The following HK2 variants were observed in gnomAD, a reference collection of about 807,000 sequenced individuals.
The protein encoded by HK2 is hexokinase-2.
In HK2, 42 loss-of-function variants were observed where a neutral mutation model predicts 92.9. The observed-to-expected ratio is 0.45, with a 90% CI of 0.35 to 0.58. HK2 has a LOEUF of 0.58. Among genes scored for constraint, HK2 ranks in the 20% least tolerant of loss-of-function variants. The pLI is 0.00. For missense variants in HK2, 978 were observed against 1,245.1 expected, an observed-to-expected ratio of 0.79 and a Z score of 3.23; for synonymous variants, 422 against 468.0, an observed-to-expected ratio of 0.90 and a Z score of 1.27.
chr2:74,853,549 A>G (rs1688620745), intron 1 of HK2, among the ~76,000 whole-genome samples: 1 of 151,012 alleles, frequency 6.6e-6, no homozygotes, highest in African/African-American at 2.4e-5. Flanking sequence ...CAACAACAAC[A>G]ACAACAACAA....
Position 74,889,428 on chromosome 2 carries a change from T to G in HK2, c.2559T>G (p.Ala853=). Residue 853 remains alanine (A), a synonymous_variant, in exon 17 of 18, where the codon GCT becomes GCG. Transcript: ENST00000290573. ...DRIRENRGLD[A]LKVTVGVDGT... is the part of the protein sequence containing the mutation. ...TACGAGAAAACCGTGGGCTGGACGC[T>G]CTCAAAGTGACAGTGGGTGTGGATG... is the stretch of plus-strand genomic sequence containing the variant. 6.2e-7 allele frequency: 1 copy of G among 1,613,890 alleles called. No individual in the cohort carries two copies. Among genetic ancestry groups the G allele is most frequent in the Non-Finnish European group, 8.5e-7 (1 of 1,179,908 alleles).
At chr2:74,840,038 C>T (rs1688266810) in intron 1 of HK2, among the ~76,000 whole-genome samples, 1 of 148,442 alleles carries the variant, frequency 6.7e-6, no homozygotes, top group South Asian at 2.2e-4. Context: ...TCACTGCAAC[C>T]TCGGCCTCCT....
chr2:74,854,358 C>T lies in HK2; in HGVS notation c.129C>T (p.Phe43=). The part of the protein sequence containing the change: ...DETLLEISKR[F]RKEMEKGLGA... ...CCCTCTTGGAGATCTCTAAGCGGTT[C>T]CGCAAGGAGATGGAGAAAGGGCTTG... The change falls in exon 2 of 18, where the codon TTC becomes TTT. Residue 43 remains phenylalanine, a synonymous_variant. Transcript: ENST00000290573. 1 of 1,613,902 alleles carries T rather than the reference C, an allele frequency of 6.2e-7. No individual in the cohort carries two copies. The highest frequency in any genetic ancestry group is 1.1e-5 in the South Asian group (1 of 91,062).
chr2:74,877,041 G>A, intron 7 of HK2, 125 bp from the exon 8 acceptor site: 1 of 1,298,754 alleles, frequency 7.7e-7, no homozygotes, highest in Non-Finnish European at 1.1e-6. Flanking sequence ...TCTTACTCCT[G>A]GGCCGTGCTG....
At chr2:74,885,414 C>A in intron 12 of HK2, 80 bp from the exon 13 acceptor site, 1 of 945,532 alleles carries the variant, frequency 1.1e-6, no homozygotes, top group Non-Finnish European at 1.7e-6. Flanking sequence ...AGGTTGAGAG[C>A]TAGAAGCACA....
chr2:74,886,559 G>A lies in HK2; in HGVS notation c.2105G>A (p.Arg702Gln), dbSNP rs767300432. ...NVELVEGEEG[R>Q]MCVNMEWGAF... ...GAACTGGTGGAAGGAGAAGAGGGGC[G>A]GATGTGTGTGAACATGGAATGGGGG... Residue 702 changes from arginine (R) to glutamine (Q), a missense_variant, in exon 15 of 18, where the codon CGG becomes CAG. Physicochemically the swap from Arg to Gln is conservative, Grantham distance 43 (BLOSUM62 1). Transcript: ENST00000290573. The A allele has an allele frequency of 1.4e-5, 23 of 1,613,802 alleles. No individual in the cohort carries two copies. The highest frequency in any genetic ancestry group is 3.3e-5 in the Admixed American group (2 of 59,966).
chr2:74,879,192 T>C (rs1689319453), intron 9 of HK2, among the ~76,000 whole-genome samples: 1 of 152,166 alleles, frequency 6.6e-6, no homozygotes, highest in Non-Finnish European at 1.5e-5. Context: ...GCCACCCTCT[T>C]GTATGCGTTA....
chr2:74,879,077 G>A (rs1423932824), intron 9 of HK2, among the ~76,000 whole-genome samples, 156 bp downstream of exon 9: 1 of 152,160 alleles, frequency 6.6e-6, no homozygotes, highest in African/African-American at 2.4e-5. Flanking sequence ...CTGGGCAAGG[G>A]GGAATGGGAG....
intron 7 of HK2, among the ~76,000 whole-genome samples, chr2:74,876,652 A>G (rs897386595): frequency 2.0e-5 from 3 of 152,076 alleles, no homozygotes; most frequent in Admixed American, 1.3e-4. Flanking sequence ...ATGTTGCCCC[A>G]TCATCCCCTG....
Position 74,878,765 on chromosome 2 carries a change from C to T in HK2, c.1109C>T (p.Ala370Val). ...GACCCGACTCAGGAGGACTGCGTGG[C>T]CACTCACCGGATCTGCCAGATCGTG... ...GLDPTQEDCV[A>V]THRICQIVST... Residue 370 changes from alanine to valine, a missense_variant, in exon 9 of 18, where the codon GCC becomes GTC. This residue lies in a region of HK2 where 742 missense variants were observed against 922.5 expected (regional missense o/e 0.80). Transcript: ENST00000290573. 1.9e-6 allele frequency: 3 copies of T among 1,590,298 alleles called. No individual in the cohort carries two copies. Among genetic ancestry groups the T allele is most frequent in the Non-Finnish European group, 2.6e-6 (3 of 1,168,430 alleles).
rs1689312465 is a variant in HK2 at position 74,878,934 on chromosome 2, G to T, written c.1265+13G>T. Reference sequence around the variant, plus strand: ...AGAAACACCCCCAGTGAGTCAGTGTGCAGGGCCTGGAGATGCGGAGTTCCT... The same window carrying T: ...AGAAACACCCCCAGTGAGTCAGTGTTCAGGGCCTGGAGATGCGGAGTTCCT... On this transcript the variant is annotated intron_variant, in intron 9 of 17. Coordinates refer to ENST00000290573, the MANE Select transcript of HK2 (RefSeq NM_000189.5). 6.5e-7 allele frequency: 1 copy of T among 1,544,580 alleles called. No individual in the cohort carries two copies. Among genetic ancestry groups the T allele is most frequent in the Middle Eastern group, 1.7e-4 (1 of 5,974 alleles).
Position 74,860,332 on chromosome 2 carries a change from T to A in HK2, c.226+5877T>A, listed in dbSNP as rs553868053. Among the ~76,000 whole-genome samples the A allele has an allele frequency of 2.6e-4, 39 of 152,196 alleles. 1 individual carries two copies. In the East Asian group the frequency reaches 7.5e-3, roughly 29 times the overall value. On this transcript the variant is annotated intron_variant, in intron 2 of 17. Coordinates refer to ENST00000290573, the MANE Select transcript of HK2 (RefSeq NM_000189.5). The stretch of plus-strand genomic sequence containing the variant: ...AAATTATGTTTGCACCTCATAAATT[T>A]AAACAACTAAAAAAAACCTCCATCA...
Position 74,834,531 on chromosome 2 carries a change from T to TCG in HK2, c.-47_-46dup. ...CGGACCGCGCCGCCCGCCTCCCCTCTCGCGTCTCCGCCTCGGTTTCCCAAC... is the reference window on the plus strand; with the variant it reads ...CGGACCGCGCCGCCCGCCTCCCCTCTCGCGCGTCTCCGCCTCGGTTTCCCAAC... On this transcript the variant is annotated 5_prime_UTR_variant, in exon 1 of 18. Coordinates refer to ENST00000290573, the MANE Select transcript of HK2 (RefSeq NM_000189.5). This position sits in a 1 kb window ranked among gnomAD's most constrained non-coding sequence, Gnocchi z 4.2. The TCG allele has an allele frequency of 6.3e-7, 1 of 1,597,704 alleles. No individual in the cohort carries two copies. Among genetic ancestry groups the TCG allele is most frequent in the Non-Finnish European group, 8.6e-7 (1 of 1,165,486 alleles).
chr2:74,834,240 C>T lies in HK2; in HGVS notation c.-341C>T. Reference sequence around the variant, plus strand: ...CCACGCGCCTGTGAATCGGAGAGGTCCCACTGCCCGAGTGGAGCCGGGCTG... The same window carrying T: ...CCACGCGCCTGTGAATCGGAGAGGTTCCACTGCCCGAGTGGAGCCGGGCTG... On this transcript the variant is annotated 5_prime_UTR_variant, in exon 1 of 18. Transcript: ENST00000290573. The surrounding 1 kb of genome is among the most constrained non-coding windows in gnomAD (Gnocchi z 4.2). The T allele has an allele frequency of 4.8e-6, 2 of 419,392 alleles. No individual in the cohort carries two copies. The highest frequency in any genetic ancestry group is 2.1e-5 in the South Asian group (1 of 47,770). 26.0% of individuals were successfully genotyped at this position (419,392 alleles called of 1,614,324 possible). A position where few individuals can be genotyped will look rare whatever the true frequency, so the allele number is the denominator to read the frequency against.
At chr2:74,836,203 T>C (rs1002284469) in intron 1 of HK2, among the ~76,000 whole-genome samples, 5 of 152,156 alleles carry the variant, frequency 3.3e-5, no homozygotes, top group African/African-American at 1.2e-4. Flanking sequence ...CAGTGGAGCG[T>C]CATTAATCTC....
intron 1 of HK2, among the ~76,000 whole-genome samples, chr2:74,847,946 G>A (rs1688481935): frequency 6.6e-6 from 1 of 152,168 alleles, no homozygotes; most frequent in Non-Finnish European, 1.5e-5. Flanking sequence ...TTTCCTGTGA[G>A]CCCTTGATTA....
At chr2:74,852,845 A>G (rs1469109309) in intron 1 of HK2, among the ~76,000 whole-genome samples, 1 of 152,216 alleles carries the variant, frequency 6.6e-6, no homozygotes, top group Admixed American at 6.5e-5. Flanking sequence ...AGGCTGCATT[A>G]TCATTTACAT....
intron 2 of HK2, among the ~76,000 whole-genome samples, chr2:74,857,983 C>T (rs2103900103): frequency 6.6e-6 from 1 of 152,296 alleles, no homozygotes; most frequent in South Asian, 2.1e-4. Flanking sequence ...TCAGTGCCAC[C>T]TTTCTCAGAA....
At chr2:74,844,314 AAC>A (rs1474250554) in intron 1 of HK2, among the ~76,000 whole-genome samples, 2 of 152,176 alleles carry the variant, frequency 1.3e-5, no homozygotes, top group Admixed American at 6.5e-5. Context: ...GTTTTTTTAA[AAC>A]ACAGTTTGTG....
Sources: allele counts gnomAD v4.1 joint callset (sites outside exome capture counted in the v4.1 genomes callset), GRCh38; gene constraint gnomAD v4.1.1; regional missense constraint gnomAD v4.1.1; non-coding constraint Gnocchi (gnomAD v3.1); transcripts MANE v1.5; gene names NCBI Gene and HGNC (gene_info 2026-07-23, HGNC 2026-07-21).